The following MGAT4C variants were observed in gnomAD, a reference collection of about 807,000 sequenced individuals.
MGAT4C encodes the protein alpha-1,3-mannosyl-glycoprotein 4-beta-N-acetylglucosaminyltransferase C.
In MGAT4C, 19 loss-of-function variants were observed where a neutral mutation model predicts 40.1. The ratio of observed to expected loss-of-function variants is 0.47; its 90% CI spans 0.33 to 0.70. The LOEUF (loss-of-function observed/expected upper bound fraction) is 0.70. Among genes scored for constraint, MGAT4C ranks in the 30% least tolerant of loss-of-function variants. The pLI, the probability that MGAT4C is intolerant of heterozygous loss-of-function variation, is 0.02. For synonymous variants in MGAT4C, 181 were observed against 187.1 expected (o/e 0.97, Z 0.27); for missense variants, 491 against 563.2 (o/e 0.87, Z 1.30).
At chr12:86,332,331 T>G (rs1954687199) in intron 4 of MGAT4C, among the ~76,000 whole-genome samples, 1 of 151,994 alleles carries the variant, frequency 6.6e-6, no homozygotes, top group Admixed American at 6.6e-5. Flanking sequence ...GGAAAGATAT[T>G]AGGTTTTAGT....
chr12:86,838,670 A>T (rs369831703), exon 1 of MGAT4C: 2 of 152,340 alleles, frequency 1.3e-5, no homozygotes, highest in East Asian at 3.9e-4. Flanking sequence ...ACGTACCTTC[A>T]GAGAAAACCT....
intron 2 of MGAT4C, among the ~76,000 whole-genome samples, chr12:86,589,822 G>C (rs1961246296): frequency 1.3e-5 from 2 of 151,960 alleles, no homozygotes; most frequent in African/African-American, 4.8e-5. Context: ...TATCTCAATA[G>C]GCTCCATGTT....
intron 2 of MGAT4C, among the ~76,000 whole-genome samples, chr12:86,477,119 G>A (rs775896011): frequency 1.6e-4 from 24 of 151,324 alleles, no homozygotes; most frequent in Non-Finnish European, 3.4e-4. Flanking sequence ...TATTATAAGT[G>A]AAAATATACT....
chr12:86,359,997 T>A (rs1955421985), intron 3 of MGAT4C, among the ~76,000 whole-genome samples: 2 of 152,170 alleles, frequency 1.3e-5, no homozygotes, highest in Non-Finnish European at 2.9e-5. Context: ...AGCATCATCC[T>A]GATACCAAAG....
At chr12:86,659,491 G>T (rs1156810591) in intron 2 of MGAT4C, among the ~76,000 whole-genome samples, 1 of 152,088 alleles carries the variant, frequency 6.6e-6, no homozygotes, top group Non-Finnish European at 1.5e-5. Context: ...ATCCAATCAG[G>T]ACAGGGAAAC....
At chr12:86,793,143 A>G (rs1432788409) in intron 1 of MGAT4C, among the ~76,000 whole-genome samples, 2 of 152,100 alleles carry the variant, frequency 1.3e-5, no homozygotes, top group Admixed American at 6.6e-5. Flanking sequence ...CTGACATTCA[A>G]TTGGATAGTG....
chr12:86,143,499 T>C (rs1433392094), intron 1 of MGAT4C, among the ~76,000 whole-genome samples: 1 of 151,880 alleles, frequency 6.6e-6, no homozygotes, highest in Non-Finnish European at 1.5e-5. Flanking sequence ...TAGCTTGTTA[T>C]GGGAGAAAGA....
At chr12:86,101,267 A>G (rs544778556) in intron 1 of MGAT4C, among the ~76,000 whole-genome samples, 1 of 151,822 alleles carries the variant, frequency 6.6e-6, no homozygotes, top group South Asian at 2.1e-4. Flanking sequence ...AATATTTTGG[A>G]ACATCAATGA....
chr12:86,723,361 T>G (rs1035932540), intron 2 of MGAT4C, among the ~76,000 whole-genome samples: 1 of 152,154 alleles, frequency 6.6e-6, no homozygotes. Flanking sequence ...ACTGATTGGC[T>G]AAGAACATCA....
At chr12:86,773,653 C>T (rs1472703288) in intron 1 of MGAT4C, among the ~76,000 whole-genome samples, 1 of 152,006 alleles carries the variant, frequency 6.6e-6, no homozygotes, top group East Asian at 1.9e-4. Context: ...TATAATTCTA[C>T]TGTATAATAA....
At chr12:86,438,544 C>T (rs1279780184) in intron 2 of MGAT4C, among the ~76,000 whole-genome samples, 3 of 151,798 alleles carry the variant, frequency 2.0e-5, no homozygotes, top group Non-Finnish European at 2.9e-5. Context: ...GATGGCATCC[C>T]TATAAAACAA....
intron 2 of MGAT4C, among the ~76,000 whole-genome samples, chr12:86,659,532 A>G (rs1486675046): frequency 1.8e-4 from 28 of 152,130 alleles, no homozygotes; most frequent in Admixed American, 1.8e-3. Flanking sequence ...CAAGTTTAAT[A>G]TATAGAAACA....
intron 3 of MGAT4C, among the ~76,000 whole-genome samples, chr12:86,368,904 T>A (rs1955663730): frequency 6.6e-6 from 1 of 152,052 alleles, no homozygotes; most frequent in Admixed American, 6.6e-5. Context: ...TCTATAGTGC[T>A]GTTCAAGTCT....
chr12:86,373,781 T>G (rs1244293389), intron 3 of MGAT4C, among the ~76,000 whole-genome samples: 1 of 151,938 alleles, frequency 6.6e-6, no homozygotes, highest in East Asian at 1.9e-4. Flanking sequence ...ACTAAGGTTG[T>G]TTAGTGGGCA....
At chr12:86,617,565 G>A (rs539639937) in intron 2 of MGAT4C, among the ~76,000 whole-genome samples, 2 of 152,190 alleles carry the variant, frequency 1.3e-5, no homozygotes, top group African/African-American at 4.8e-5. Flanking sequence ...GCAGATGCCT[G>A]TAGTCCCAGC....
At position 85,967,230 on chromosome 12, in the gene MGAT4C, A is replaced by G. The variant is rs1883413816; in HGVS notation, c.*12059T>C. 6.6e-6 allele frequency: 1 copy of G among 152,090 alleles called. No individual in the cohort carries two copies. The highest frequency in any genetic ancestry group is 2.4e-5 in the African/African-American group (1 of 41,424). The allele number at this position is 152,090 out of a possible 1,614,324, so 9.4% of individuals were successfully genotyped here. A position where few individuals can be genotyped will look rare whatever the true frequency, so the allele number is the denominator to read the frequency against. On this transcript the variant is annotated 3_prime_UTR_variant, in exon 5 of 5. Transcript: ENST00000611864. ...GGTGTTGCAGGTTCATAATCAGTTA[A>G]TTGAGTGTATTCACTATAAATTGCT...
At chr12:86,516,459 A>G (rs1333912150) in intron 2 of MGAT4C, among the ~76,000 whole-genome samples, 1 of 152,172 alleles carries the variant, frequency 6.6e-6, no homozygotes, top group Non-Finnish European at 1.5e-5. Context: ...AAATAAGCAA[A>G]CAAACAAAAA....
intron 1 of MGAT4C, among the ~76,000 whole-genome samples, chr12:86,165,531 G>A (rs1886090843): frequency 6.6e-6 from 1 of 152,218 alleles, no homozygotes; most frequent in Admixed American, 6.5e-5. Context: ...CTGTTTAGGT[G>A]AAGCTTCACA....
intron 2 of MGAT4C, among the ~76,000 whole-genome samples, chr12:86,715,658 G>GTGC (rs1291517408): frequency 6.6e-6 from 1 of 152,070 alleles, no homozygotes; most frequent in Non-Finnish European, 1.5e-5. Flanking sequence ...CATTATTCTT[G>GTGC]TGCTCTTTTC....
Sources: gnomAD v4.1 joint callset for allele counts (sites outside exome capture counted in the v4.1 genomes callset) on GRCh38, gnomAD v4.1.1 for gene constraint, MANE v1.5 for transcripts, NCBI Gene and HGNC (gene_info 2026-07-23, HGNC 2026-07-21) for gene names.